The following USP7 variants were observed in gnomAD, a reference collection of about 807,000 sequenced individuals.
The protein encoded by USP7 is ubiquitin C-terminal hydrolase 7.
Under a neutral mutation model 162.9 loss-of-function variants are expected in USP7, and 9 were observed. The ratio of observed to expected loss-of-function variants is 0.06; its 90% CI spans 0.03 to 0.10. The LOEUF (loss-of-function observed/expected upper bound fraction) is 0.10, where lower values mean the gene tolerates loss of function less well. Among genes scored for constraint, USP7 ranks in the 10% least tolerant of loss-of-function variants. USP7 has a pLI of 1.00. For synonymous variants in USP7, 562 were observed against 475.9 expected (o/e 1.18, Z -2.35); for missense variants, 715 against 1,373.7 (o/e 0.52, Z 7.58).
At chr16:8,928,735 T>C (rs1355652176) in intron 2 of USP7, among the ~76,000 whole-genome samples, 1 of 152,194 alleles carries the variant, frequency 6.6e-6, no homozygotes, top group Non-Finnish European at 1.5e-5. Flanking sequence ...ATACGCTTTT[T>C]CCATCAAGGA....
At chr16:8,916,250 T>C (rs1269239773) in intron 8 of USP7, among the ~76,000 whole-genome samples, 3 of 152,186 alleles carry the variant, frequency 2.0e-5, no homozygotes, top group Admixed American at 1.3e-4. Flanking sequence ...ATATACCAAT[T>C]TAACAAATTA....
At position 8,919,670 on chromosome 16, in the gene USP7, C is replaced by T. The variant is rs75782533; in HGVS notation, c.612-531G>A. Among the ~76,000 whole-genome samples, 371 of 152,012 alleles carry T rather than the reference C, an allele frequency of 2.4e-3. 2 individuals carry two copies. Among genetic ancestry groups the T allele is most frequent in the African/African-American group, 7.4e-3 (308 of 41,424 alleles). On this transcript the variant is annotated intron_variant, in intron 5 of 30. Coordinates refer to ENST00000344836, the MANE Select transcript of USP7 (RefSeq NM_003470.3). ...AAGATTCTCAGAATTAACTGTGTCT[C>T]GTACCTTCCCACCCCCACCCCAAGT...
intron 1 of USP7, among the ~76,000 whole-genome samples, chr16:8,935,015 C>A (rs867896154): frequency 6.6e-6 from 1 of 152,226 alleles, no homozygotes; most frequent in South Asian, 2.1e-4. Context: ...CTGTACTAGA[C>A]TTCTAGAAAT....
In USP7 at chr16:8,948,742, C is replaced by T. The variant is rs555516864; in HGVS notation, c.79+14465G>A. ...CAGCCAAAAACAAGCATGGACAACACAACGATAAAAGCAGCCAAAAACAAG... is the reference window on the plus strand; with the variant it reads ...CAGCCAAAAACAAGCATGGACAACATAACGATAAAAGCAGCCAAAAACAAG... On this transcript the variant is annotated intron_variant, in intron 1 of 30. Transcript: ENST00000344836. 2.0e-5 allele frequency among the ~76,000 whole-genome samples: 3 copies of T among 152,068 alleles called. No homozygotes were observed. In the East Asian group the frequency reaches 5.8e-4, roughly 29 times the overall value.
Position 8,956,779 on chromosome 16 carries a change from A to AC in USP7, c.79+6427_79+6428insG, listed in dbSNP as rs201796761. Among the ~76,000 whole-genome samples the AC allele has an allele frequency of 6.2e-3, 923 of 148,924 alleles. 4 individuals are homozygous for AC. The highest frequency in any genetic ancestry group is 0.01 in the Non-Finnish European group (670 of 66,590). The stretch of plus-strand genomic sequence containing the variant: ...CTTCGTATTAAAAAAACAAAAACAA[A>AC]AAAAAAAAAACACTGAATTTGCTTT... On this transcript the variant is annotated intron_variant, in intron 1 of 30. Transcript: ENST00000344836.
chr16:8,895,929 C>T (rs1009285346), intron 26 of USP7, among the ~76,000 whole-genome samples, 188 bp from the exon 27 acceptor site: 2 of 151,212 alleles, frequency 1.3e-5, no homozygotes, highest in Non-Finnish European at 2.9e-5. Context: ...CTCCGCCTCC[C>T]GGGTTCAAGC....
chr16:8,910,656 G>A, intron 11 of USP7, 89 bp downstream of exon 11: 1 of 1,207,022 alleles, frequency 8.3e-7, no homozygotes, highest in Non-Finnish European at 1.2e-6. Context: ...ACATGAAAAG[G>A]CACAAGCAAA....
At chr16:8,935,226 AGTCTCGTTCT>A (rs1275101864) in intron 1 of USP7, among the ~76,000 whole-genome samples, 2 of 142,476 alleles carry the variant, frequency 1.4e-5, no homozygotes, top group Non-Finnish European at 3.0e-5. Flanking sequence ...TTTTTGAGAC[AGTCTCGTTCT>A]GTCTCCCAGG....
chr16:8,916,888 C>A (rs1897397973), intron 7 of USP7, 138 bp downstream of exon 7: 1 of 1,005,178 alleles, frequency 9.9e-7, no homozygotes, highest in Admixed American at 3.3e-5. Flanking sequence ...AAAGCACTGA[C>A]ACGATTAAAT....
At chr16:8,955,659 T>C (rs1899759831) in intron 1 of USP7, among the ~76,000 whole-genome samples, 1 of 120,602 alleles carries the variant, frequency 8.3e-6, no homozygotes. Flanking sequence ...TGAGCCGAGA[T>C]CACACCACTG....
intron 6 of USP7, among the ~76,000 whole-genome samples, chr16:8,918,253 C>T (rs1897487307): frequency 6.6e-6 from 1 of 152,194 alleles, no homozygotes; most frequent in Non-Finnish European, 1.5e-5. Flanking sequence ...AGCCAGCCAG[C>T]TCCCTGCCCA....
At chr16:8,957,813 G>A (rs998944869) in intron 1 of USP7, among the ~76,000 whole-genome samples, 32 of 151,244 alleles carry the variant, frequency 2.1e-4, no homozygotes, top group Admixed American at 1.3e-4. Context: ...AACAAAAATA[G>A]ACTTTACAAA....
intron 28 of USP7, 44 bp from the exon 29 acceptor site, chr16:8,894,899 C>A: frequency 6.2e-7 from 1 of 1,614,026 alleles, no homozygotes; most frequent in Non-Finnish European, 8.5e-7. Flanking sequence ...ACTCCCAGCA[C>A]CCCCAGGCCA....
chr16:8,894,720 C>T lies in USP7; in HGVS notation c.3111+64G>A, dbSNP rs375866164. The T allele has an allele frequency of 1.9e-3, 3,051 of 1,612,410 alleles. 3 individuals carry two copies. The highest frequency in any genetic ancestry group is 2.4e-3 in the Non-Finnish European group (2,883 of 1,178,692). The stretch of plus-strand genomic sequence containing the variant: ...ACATCTCTGGCAAAAAAGCCTAGGC[C>T]GCTACGCTAGGCAAGGCTTGAGCCT... On this transcript the variant is annotated intron_variant, in intron 29 of 30. Coordinates refer to ENST00000344836, the MANE Select transcript of USP7 (RefSeq NM_003470.3).
chr16:8,898,606 A>G lies in USP7; in HGVS notation c.2565T>C (p.His855=). The change falls in exon 24 of 31, where the codon CAT becomes CAC. Residue 855 remains histidine (H), a synonymous_variant. Transcript: ENST00000344836. ...YRDGPGNPLR[H]NYEGTLRDLL... ...GATCTCTTAAAGTACCTTCATAATT[A>G]TGTCTAAGAGGATTACCTGGGCCAT... 2 of 1,609,684 alleles carry G rather than the reference A, an allele frequency of 1.2e-6. No individual in the cohort carries two copies. Among genetic ancestry groups the G allele is most frequent in the Non-Finnish European group, 1.7e-6 (2 of 1,178,856 alleles).
At chr16:8,932,950 A>ATT (rs531572825) in intron 1 of USP7, among the ~76,000 whole-genome samples, 1 of 147,488 alleles carries the variant, frequency 6.8e-6, no homozygotes, top group Non-Finnish European at 1.5e-5. Flanking sequence ...TTCCAATGGA[A>ATT]TTTTTTTTTT....
At chr16:8,899,046 T>A in intron 23 of USP7, 75 bp downstream of exon 23, 1 of 1,478,550 alleles carries the variant, frequency 6.8e-7, no homozygotes, top group Non-Finnish European at 9.3e-7. Flanking sequence ...TTATTAAAAT[T>A]AGTTCCAAGA....
chr16:8,895,194 T>C (rs2141158922), intron 27 of USP7, 44 bp from the exon 28 acceptor site: 1 of 1,613,738 alleles, frequency 6.2e-7, no homozygotes, highest in Non-Finnish European at 8.5e-7. Context: ...GTGCAAGTGA[T>C]GTGGTCAAAG....
chr16:8,938,388 A>C (rs1898873726), intron 1 of USP7, among the ~76,000 whole-genome samples: 1 of 151,984 alleles, frequency 6.6e-6, no homozygotes, highest in South Asian at 2.1e-4. Context: ...CAAGTCTTCC[A>C]CATCTGTGGA....
Sources: allele counts gnomAD v4.1 joint callset (sites outside exome capture counted in the v4.1 genomes callset), GRCh38; gene constraint gnomAD v4.1.1; transcripts MANE v1.5; gene names NCBI Gene and HGNC (gene_info 2026-07-23, HGNC 2026-07-21).